ASH1L: variants seen among roughly 807,000 people sequenced by gnomAD.
ASH1L encodes histone-lysine N-methyltransferase ASH1L.
Under a neutral mutation model 269.0 loss-of-function variants are expected in ASH1L, and 23 were observed. The ratio of observed to expected loss-of-function variants is 0.09; its 90% CI spans 0.06 to 0.12. The LOEUF (loss-of-function observed/expected upper bound fraction) is 0.12, where lower values mean the gene tolerates loss of function less well. ASH1L is among the 10% of genes least tolerant of loss of function. The probability of loss-of-function intolerance (pLI) is 1.00; values close to 1 mark genes in which losing one functional copy is unlikely to be tolerated. For synonymous variants in ASH1L, 1,187 were observed against 1,253.5 expected (o/e 0.95, Z 1.12); for missense variants, 2,912 against 3,567.8 (o/e 0.82, Z 4.68).
chr1:155,545,463 TAC>T (rs898567225), intron 1 of ASH1L, among the ~76,000 whole-genome samples: 5 of 151,574 alleles, frequency 3.3e-5, no homozygotes, highest in Non-Finnish European at 7.4e-5. Flanking sequence ...ATATTTTTTA[TAC>T]ACACACACAC....
chr1:155,379,202 T>C (rs1294646905), intron 8 of ASH1L, among the ~76,000 whole-genome samples: 1 of 152,158 alleles, frequency 6.6e-6, no homozygotes, highest in African/African-American at 2.4e-5. Flanking sequence ...GACTGTTTAT[T>C]AATATATTGG....
chr1:155,338,855 C>G (rs549543268), intron 26 of ASH1L, among the ~76,000 whole-genome samples: 1 of 152,238 alleles, frequency 6.6e-6, no homozygotes, highest in South Asian at 2.1e-4. Context: ...AGTTGTTATG[C>G]CCCCATTCAA....
chr1:155,480,340 T>C lies in ASH1L; in HGVS notation c.2530A>G (p.Lys844Glu), dbSNP rs1280074737. The C allele has an allele frequency of 1.2e-6, 2 of 1,613,862 alleles. No individual in the cohort carries two copies. The highest frequency in any genetic ancestry group is 1.7e-6 in the Non-Finnish European group (2 of 1,179,774). ...GAAGCAGGGATTTTTAAAGTCCTTT[T>C]AGGTGGCCCTTCCAGTTGAGGCATC... is the stretch of plus-strand genomic sequence containing the variant. ...KEMPQLEGPP[K>E]RTLKIPASKV... Residue 844 changes from lysine to glutamate, a missense_variant, in exon 3 of 28, where the codon AAA (lysine) becomes GAA (glutamate). This residue lies in a region of ASH1L where 715 missense variants were observed against 721.0 expected (regional missense o/e 0.99). Coordinates refer to ENST00000392403, the MANE Select transcript of ASH1L (RefSeq NM_018489.3).
intron 10 of ASH1L, among the ~76,000 whole-genome samples, chr1:155,377,823 C>A (rs1328726690): frequency 6.6e-6 from 1 of 152,026 alleles, no homozygotes; most frequent in Non-Finnish European, 1.5e-5. Context: ...AGATTGAGAT[C>A]ATCCTGGCTA....
At chr1:155,348,945 CATAT>C (rs1363976761) in intron 19 of ASH1L, among the ~76,000 whole-genome samples, 4 of 147,106 alleles carry the variant, frequency 2.7e-5, no homozygotes, top group African/African-American at 7.7e-5. Context: ...CACACACACA[CATAT>C]AAACATTTAC....
chr1:155,417,217 G>T (rs568410922), intron 5 of ASH1L, among the ~76,000 whole-genome samples: 21 of 152,024 alleles, frequency 1.4e-4, no homozygotes, highest in Non-Finnish European at 2.8e-4. Context: ...TTACAGGCGT[G>T]AGCCATCACG....
chr1:155,425,187 C>G lies in ASH1L; in HGVS notation c.5829-9264G>C, dbSNP rs566016191. 2.0e-5 allele frequency among the ~76,000 whole-genome samples: 3 copies of G among 151,670 alleles called. No homozygotes were observed. The South Asian group carries it at 6.3e-4, about 32-fold the overall frequency. On this transcript the variant is annotated intron_variant, in intron 5 of 27. Transcript: ENST00000392403. ...GTCACCATGTTGGTCAGGCTGGTCTCGAACTCGAACTCCTGACCTCAAGTG... is the reference window on the plus strand; with the variant it reads ...GTCACCATGTTGGTCAGGCTGGTCTGGAACTCGAACTCCTGACCTCAAGTG...
chr1:155,397,316 A>G (rs553304235), intron 6 of ASH1L, among the ~76,000 whole-genome samples: 7,931 of 151,692 alleles, frequency 0.052, 700 homozygotes, highest in African/African-American at 0.18. Context: ...GGCCAATGTG[A>G]TAAAACCCTG....
chr1:155,435,162 C>A (rs72704174), intron 5 of ASH1L, among the ~76,000 whole-genome samples: 7 of 152,234 alleles, frequency 4.6e-5, no homozygotes, highest in Non-Finnish European at 8.8e-5. Context: ...ACAATAACAA[C>A]AACAGCAACA....
chr1:155,505,438 A>C (rs1221781452), intron 2 of ASH1L, among the ~76,000 whole-genome samples: 1 of 152,204 alleles, frequency 6.6e-6, no homozygotes, highest in Non-Finnish European at 1.5e-5. Flanking sequence ...ACGTGGAAAA[A>C]CAAATCAAAG....
Position 155,415,808 on chromosome 1 carries a change from G to C in ASH1L, c.5944C>G (p.Pro1982Ala). 6.2e-7 allele frequency: 1 copy of C among 1,613,974 alleles called. No homozygotes were observed. The highest frequency in any genetic ancestry group is 8.5e-7 in the Non-Finnish European group (1 of 1,180,002). ...TGATACTTCTTCTTTGGGGGACGTG[G>C]GGGCTTCTTTTCCCTTGGGATGAGA... ...LSLIPREKKP[P>A]RPPKKKYQKA... Residue 1982 changes from proline (P) to alanine (A), a missense_variant, in exon 6 of 28, where the codon CCA becomes GCA. Coordinates refer to ENST00000392403, the MANE Select transcript of ASH1L (RefSeq NM_018489.3).
Position 155,521,614 on chromosome 1 carries a change from T to C in ASH1L, c.-95A>G. On this transcript the variant is annotated 5_prime_UTR_variant, in exon 2 of 28. Transcript: ENST00000392403. ...ATCTCCAAAACTCGAAACCAGCATC[T>C]TTCTCTGCAGAACAGATCATAACAA... The C allele has an allele frequency of 8.2e-7, 1 of 1,214,460 alleles. No individual in the cohort carries two copies. The highest frequency in any genetic ancestry group is 1.5e-5 in the African/African-American group (1 of 65,822). 75.2% of individuals were successfully genotyped at this position (1,214,460 alleles called of 1,614,324 possible). A position where few individuals can be genotyped will look rare whatever the true frequency, so the allele number is the denominator to read the frequency against.
chr1:155,355,024 G>C (rs1654249987), intron 15 of ASH1L, among the ~76,000 whole-genome samples: 1 of 152,156 alleles, frequency 6.6e-6, no homozygotes, highest in South Asian at 2.1e-4. Flanking sequence ...GGCAAACTAT[G>C]TTAGGTGCAG....
intron 1 of ASH1L, among the ~76,000 whole-genome samples, chr1:155,538,641 CTTTTT>C (rs35340905): frequency 6.5e-5 from 7 of 107,974 alleles, no homozygotes; most frequent in African/African-American, 1.0e-4. Context: ...TGTACCCAGC[CTTTTT>C]TTTTTTTTTT....
chr1:155,556,016 C>G (rs1262035143), intron 1 of ASH1L, among the ~76,000 whole-genome samples: 1 of 152,142 alleles, frequency 6.6e-6, no homozygotes. Flanking sequence ...ACTGCTGAAG[C>G]TGGATGTTGA....
chr1:155,509,614 C>T (rs1427528798), intron 2 of ASH1L, among the ~76,000 whole-genome samples: 1 of 152,042 alleles, frequency 6.6e-6, no homozygotes, highest in Non-Finnish European at 1.5e-5. Flanking sequence ...GCCTGACCAA[C>T]GTGAGGAAAG....
chr1:155,526,410 C>A (rs780182913), intron 1 of ASH1L, among the ~76,000 whole-genome samples: 59 of 152,178 alleles, frequency 3.9e-4, no homozygotes, highest in Admixed American at 1.5e-3. Flanking sequence ...ATCCTAATTT[C>A]AGCACTAACA....
chr1:155,543,199 A>G (rs1176168082), intron 1 of ASH1L, among the ~76,000 whole-genome samples: 1 of 152,036 alleles, frequency 6.6e-6, no homozygotes, highest in East Asian at 1.9e-4. Flanking sequence ...TGTGAAAATG[A>G]AAACCCTTTT....
Position 155,340,344 on chromosome 1 carries a change from G to A in ASH1L, c.8461-976C>T, listed in dbSNP as rs184573532. Among the ~76,000 whole-genome samples, 440 of 152,024 alleles carry A rather than the reference G, an allele frequency of 2.9e-3. 5 individuals are homozygous for A. Among genetic ancestry groups the A allele is most frequent in the East Asian group, 5.0e-3 (26 of 5,174 alleles). On this transcript the variant is annotated intron_variant, in intron 25 of 27. Transcript: ENST00000392403. ...ATTACAGGTGCATGCCACCATGCCC[G>A]GCTAATTTTTGTATTTTTAGTAGAG...
Sources: allele counts gnomAD v4.1 joint callset (sites outside exome capture counted in the v4.1 genomes callset), GRCh38; gene constraint gnomAD v4.1.1; regional missense constraint gnomAD v4.1.1; transcripts MANE v1.5; gene names NCBI Gene and HGNC (gene_info 2026-07-23, HGNC 2026-07-21).